Variants in TRANK1 observed in about 807,000 individuals in gnomAD.
The protein encoded by TRANK1 is tetratricopeptide repeat and ankyrin repeat containing 1, also known as TPR and ankyrin repeat-containing protein 1.
In TRANK1, 198 loss-of-function variants were observed where a neutral mutation model predicts 266.0. The ratio of observed to expected loss-of-function variants is 0.74; its 90% CI spans 0.66 to 0.84. The LOEUF is 0.84. Ranked by LOEUF, TRANK1 falls within the 40% of genes least tolerant of loss-of-function variation. The probability of loss-of-function intolerance (pLI) is 0.00; values close to 1 mark genes in which losing one functional copy is unlikely to be tolerated. For synonymous variants in TRANK1, 1,396 were observed against 1,384.1 expected, an observed-to-expected ratio of 1.01 and a Z score of -0.19; for missense variants, 3,326 against 3,634.6, an observed-to-expected ratio of 0.92 and a Z score of 2.18.
intron 8 of TRANK1, among the ~76,000 whole-genome samples, chr3:36,885,998 G>T (rs1014139017): frequency 2.0e-5 from 3 of 152,052 alleles, no homozygotes; most frequent in Non-Finnish European, 4.4e-5. Context: ...GATGAAGAGG[G>T]TATGGGAGAA....
At chr3:36,840,336 G>A (rs1444525223) in intron 18 of TRANK1, among the ~76,000 whole-genome samples, 2 of 152,228 alleles carry the variant, frequency 1.3e-5, no homozygotes, top group South Asian at 2.1e-4. Flanking sequence ...GTGAGGCTTG[G>A]TCAACTTCTG....
intron 1 of TRANK1, among the ~76,000 whole-genome samples, chr3:36,921,301 C>A (rs2080209977): frequency 6.6e-6 from 1 of 152,204 alleles, no homozygotes; most frequent in Non-Finnish European, 1.5e-5. Flanking sequence ...ATAAGAATCC[C>A]TTCCCCTCCC....
chr3:36,845,320 G>A (rs1441612539), intron 17 of TRANK1, among the ~76,000 whole-genome samples: 5 of 151,964 alleles, frequency 3.3e-5, no homozygotes, highest in Non-Finnish European at 4.4e-5. Flanking sequence ...CTGAACTATC[G>A]GTTCTTACTA....
Position 36,846,409 on chromosome 3 carries a change from A to G in TRANK1, c.5035-5T>C. ...CTTCAGCTCTCCGTTGAGGAGCTAAAGATAACATTGAGGACAAAGATGATG... is the reference window on the plus strand; with the variant it reads ...CTTCAGCTCTCCGTTGAGGAGCTAAGGATAACATTGAGGACAAAGATGATG... On this transcript the variant is annotated splice_polypyrimidine_tract_variant and splice_region_variant and intron_variant, in intron 16 of 23. Coordinates refer to ENST00000645898, the MANE Select transcript of TRANK1 (RefSeq NM_001329998.2). 1 of 1,610,502 alleles carries G rather than the reference A, an allele frequency of 6.2e-7. No homozygotes were observed. The highest frequency in any genetic ancestry group is 2.2e-5 in the East Asian group (1 of 44,812).
chr3:36,942,975 G>A (rs1310498116), intron 1 of TRANK1, among the ~76,000 whole-genome samples: 1 of 152,020 alleles, frequency 6.6e-6, no homozygotes, highest in African/African-American at 2.4e-5. Context: ...GAGATCAGGA[G>A]TTTGAGACCA....
chr3:36,917,515 A>G (rs980930383), intron 1 of TRANK1, among the ~76,000 whole-genome samples: 1 of 152,214 alleles, frequency 6.6e-6, no homozygotes, highest in Non-Finnish European at 1.5e-5. Flanking sequence ...TACCAGGACC[A>G]GGAAAGATCA....
chr3:36,890,240 T>C (rs1349288438), intron 7 of TRANK1, among the ~76,000 whole-genome samples: 1 of 152,088 alleles, frequency 6.6e-6, no homozygotes, highest in Non-Finnish European at 1.5e-5. Flanking sequence ...AGACAGGGAT[T>C]CTTATACATG....
At chr3:36,925,055 A>G (rs944936601) in intron 1 of TRANK1, among the ~76,000 whole-genome samples, 3 of 152,196 alleles carry the variant, frequency 2.0e-5, no homozygotes, top group African/African-American at 7.2e-5. Flanking sequence ...CACACCATTC[A>G]GTGGCTGAAA....
chr3:36,901,863 G>A, intron 3 of TRANK1, among the ~76,000 whole-genome samples: 1 of 152,062 alleles, frequency 6.6e-6, no homozygotes, highest in East Asian at 1.9e-4. Flanking sequence ...AAGTCCCTTG[G>A]GCCACAGTCA....
Position 36,855,384 on chromosome 3 carries a change from C to T in TRANK1, c.4338G>A (p.Glu1446=), listed in dbSNP as rs1191987357. ...GDEIQDFTQA[E]LALLMKCIND... ...TGATGCATTTCATCAGCAGCGCCAG[C>T]TCGGCCTGGGTAAAGTCTTGAATCT... The change falls in exon 13 of 24, where the codon GAG becomes GAA. Residue 1446 remains glutamate, a synonymous_variant. Coordinates refer to ENST00000645898, the MANE Select transcript of TRANK1 (RefSeq NM_001329998.2). 5.0e-6 allele frequency: 8 copies of T among 1,614,056 alleles called. No individual in the cohort carries two copies. The South Asian group carries it at 6.6e-5, about 13-fold the overall frequency.
chr3:36,852,271 T>C lies in TRANK1; in HGVS notation c.4624A>G (p.Arg1542Gly), dbSNP rs1396471689. ...YFPESFDRLPRDSGLFDGPKP... is the reference protein window; with the variant it reads ...YFPESFDRLPGDSGLFDGPKP... Reference sequence around the variant, plus strand: ...GGACCATCAAAGAGGCCAGAATCCCTTGGAAGGCGATCAAAAGATTCTGGG... The same window carrying C: ...GGACCATCAAAGAGGCCAGAATCCCCTGGAAGGCGATCAAAAGATTCTGGG... Residue 1542 changes from arginine to glycine, a missense_variant, in exon 14 of 24, where the codon AGG (arginine) becomes GGG (glycine). Physicochemically the swap from Arg to Gly is moderately radical, Grantham distance 125. Transcript: ENST00000645898. 2 of 1,613,304 alleles carry C rather than the reference T, an allele frequency of 1.2e-6. No individual in the cohort carries two copies. Among genetic ancestry groups the C allele is most frequent in the East Asian group, 2.2e-5 (1 of 44,858 alleles).
rs2078928911 is a variant in TRANK1, at chr3:36,847,320, G to C, written c.4914C>G (p.Ser1638=). 1 of 1,613,600 alleles carries C rather than the reference G, an allele frequency of 6.2e-7. No individual in the cohort carries two copies. Among genetic ancestry groups the C allele is most frequent in the East Asian group, 2.2e-5 (1 of 44,878 alleles). The change falls in exon 16 of 24, where the codon TCC becomes TCG. Residue 1638 remains serine, a synonymous_variant. Coordinates refer to ENST00000645898, the MANE Select transcript of TRANK1 (RefSeq NM_001329998.2). Reference sequence around the variant, plus strand: ...AGTCAGTTGAGGTAGGTGTGAATGAGGAAATGATCTTCCATTCCTTATAAG... The same window carrying C: ...AGTCAGTTGAGGTAGGTGTGAATGACGAAATGATCTTCCATTCCTTATAAG... ...SEAYKEWKII[S]SFTPTSTDSR... is the part of the protein sequence containing the mutation.
At chr3:36,900,851 C>CAAAAAAAAA (rs138198488) in intron 3 of TRANK1, among the ~76,000 whole-genome samples, 806 of 62,854 alleles carry the variant, frequency 0.013, 101 homozygotes, top group Admixed American at 0.03. Context: ...GACCCTGTCT[C>CAAAAAAAAA]AAAAAAAAAA....
chr3:36,879,846 A>T lies in TRANK1; in HGVS notation c.908-5550T>A, dbSNP rs186778900. 1.1e-4 allele frequency among the ~76,000 whole-genome samples: 12 copies of T among 108,234 alleles called. 3 individuals are homozygous for T. Among genetic ancestry groups the T allele is most frequent in the Admixed American group, 4.5e-4 (4 of 8,938 alleles). 71.0% of individuals were successfully genotyped at this position (108,234 alleles called of 152,430 possible). On this transcript the variant is annotated intron_variant, in intron 8 of 23. Coordinates refer to ENST00000645898, the MANE Select transcript of TRANK1 (RefSeq NM_001329998.2). The stretch of plus-strand genomic sequence containing the variant: ...CAAATATATGTAAATATACAAATAT[A>T]TGTAAATATACAAATATATGTAAAC...
intron 1 of TRANK1, among the ~76,000 whole-genome samples, chr3:36,922,696 A>T (rs2080232535): frequency 6.6e-6 from 1 of 151,978 alleles, no homozygotes; most frequent in African/African-American, 2.4e-5. Flanking sequence ...GAATCGCTTA[A>T]ACCCAGGAGG....
chr3:36,845,698 C>G (rs750445506), intron 17 of TRANK1, among the ~76,000 whole-genome samples: 2 of 152,164 alleles, frequency 1.3e-5, no homozygotes, highest in Admixed American at 1.3e-4. Context: ...AAATGACAAT[C>G]CACATCCTTT....
At chr3:36,923,062 T>C (rs957946071) in intron 1 of TRANK1, among the ~76,000 whole-genome samples, 28 of 152,204 alleles carry the variant, frequency 1.8e-4, no homozygotes, top group African/African-American at 5.3e-4. Flanking sequence ...GTTAGCTCAC[T>C]GCAACCTTAG....
chr3:36,943,011 T>C (rs928050623), intron 1 of TRANK1, among the ~76,000 whole-genome samples: 1 of 152,046 alleles, frequency 6.6e-6, no homozygotes, highest in Non-Finnish European at 1.5e-5. Flanking sequence ...CGAAACACCG[T>C]CTCCACTAAA....
At chr3:36,897,745 A>G (rs2125615364) in intron 4 of TRANK1, among the ~76,000 whole-genome samples, 1 of 152,368 alleles carries the variant, frequency 6.6e-6, no homozygotes, top group Non-Finnish European at 1.5e-5. Flanking sequence ...TCACTGGCAG[A>G]GCATAAATTA....
Sources: gnomAD v4.1 joint callset for allele counts (sites outside exome capture counted in the v4.1 genomes callset) on GRCh38, gnomAD v4.1.1 for gene constraint, MANE v1.5 for transcripts, NCBI Gene and HGNC (gene_info 2026-07-23, HGNC 2026-07-21) for gene names.